KHDRBS2: variants seen among roughly 807,000 people sequenced by gnomAD.
KHDRBS2 encodes KH domain-containing, RNA-binding, signal transduction-associated protein 2.
In KHDRBS2, 26 loss-of-function variants were observed where a neutral mutation model predicts 44.3. That is an observed-to-expected ratio of 0.59 (90% CI 0.43 to 0.81). The LOEUF (loss-of-function observed/expected upper bound fraction) is 0.81, where lower values mean the gene tolerates loss of function less well. Ranked by LOEUF, KHDRBS2 falls within the 40% of genes least tolerant of loss-of-function variation. The pLI, the probability that KHDRBS2 is intolerant of heterozygous loss-of-function variation, is 0.00. For synonymous variants in KHDRBS2, 194 were observed against 151.1 expected (o/e 1.28, Z -2.08); for missense variants, 476 against 433.1 (o/e 1.10, Z -0.88).
chr6:61,672,342 G>A, the KHDRBS2 span, among the ~76,000 whole-genome samples: 1 of 151,788 alleles, frequency 6.6e-6, no homozygotes, highest in Non-Finnish European at 1.5e-5. Flanking sequence ...ATGATTTATA[G>A]TCCTTTGGGT....
intron 2 of KHDRBS2, among the ~76,000 whole-genome samples, chr6:62,104,735 T>C (rs1401915585): frequency 2.0e-5 from 3 of 151,660 alleles, no homozygotes; most frequent in Non-Finnish European, 4.4e-5. Context: ...AATTAAGAAG[T>C]TGAAAAAAAA....
At chr6:61,684,018 A>C (rs1269046715) in intron 8 of KHDRBS2, among the ~76,000 whole-genome samples, 1 of 151,982 alleles carries the variant, frequency 6.6e-6, no homozygotes, top group African/African-American at 2.4e-5. Flanking sequence ...CTTGGTAACA[A>C]TAGCAAAGAG....
At chr6:61,875,379 A>T (rs1255032221) in intron 6 of KHDRBS2, among the ~76,000 whole-genome samples, 1 of 152,074 alleles carries the variant, frequency 6.6e-6, no homozygotes, top group Non-Finnish European at 1.5e-5. Context: ...ATAAAAGTCC[A>T]GTTCCAGGGT....
At position 61,815,684 on chromosome 6, in the gene KHDRBS2, G is replaced by T. The variant is rs552374586; in HGVS notation, c.810+78951C>A. 2.2e-4 allele frequency among the ~76,000 whole-genome samples: 34 copies of T among 152,240 alleles called. No homozygotes were observed. The South Asian group carries it at 6.8e-3, about 31-fold the overall frequency. On this transcript the variant is annotated intron_variant, in intron 6 of 8. Transcript: ENST00000281156. ...TATCCCTGAAGTAATTATTGAGGAAGAAAATATTTTTGTCCTTGCTTTTAA... is the reference window on the plus strand; with the variant it reads ...TATCCCTGAAGTAATTATTGAGGAATAAAATATTTTTGTCCTTGCTTTTAA...
the KHDRBS2 span, among the ~76,000 whole-genome samples, chr6:61,548,907 A>T: frequency 7.9e-5 from 12 of 152,078 alleles, no homozygotes; most frequent in Admixed American, 2.0e-4. Flanking sequence ...TCTCTTTCCA[A>T]CTCCAACACC....
chr6:61,755,954 T>G (rs1399734666), intron 6 of KHDRBS2, among the ~76,000 whole-genome samples: 1 of 152,156 alleles, frequency 6.6e-6, no homozygotes, highest in Non-Finnish European at 1.5e-5. Flanking sequence ...CTGAGGTCTT[T>G]CACTTTTCAG....
At chr6:61,679,001 T>TA (rs1766098249), downstream of KHDRBS2, 1 of 151,894 alleles carries the variant, frequency 6.6e-6, no homozygotes, top group South Asian at 2.1e-4. Flanking sequence ...TCAACAGCAT[T>TA]TTGTAAAAGG....
At chr6:61,754,897 T>C (rs1778261353) in intron 6 of KHDRBS2, among the ~76,000 whole-genome samples, 2 of 152,212 alleles carry the variant, frequency 1.3e-5, no homozygotes, top group Non-Finnish European at 2.9e-5. Context: ...TCAGAGTTAG[T>C]GGATAGAACA....
intron 6 of KHDRBS2, among the ~76,000 whole-genome samples, chr6:61,767,291 GA>G (rs1451728429): frequency 6.6e-6 from 1 of 151,492 alleles, no homozygotes; most frequent in African/African-American, 2.4e-5. Flanking sequence ...CTCTTTTTTG[GA>G]TTCCATTTGC....
At position 61,800,090 on chromosome 6, in the gene KHDRBS2, A is replaced by T. The variant is rs113175404; in HGVS notation, c.811-67326T>A. Among the ~76,000 whole-genome samples the T allele has an allele frequency of 2.8e-3, 422 of 152,252 alleles. 2 individuals are homozygous for T. The highest frequency in any genetic ancestry group is 3.4e-3 in the Middle Eastern group (1 of 294). On this transcript the variant is annotated intron_variant, in intron 6 of 8. Transcript: ENST00000281156. ...CATTTTGTATACATGGTAAAATTTA[A>T]TTCTGAATTGTAATACCACCACTTG...
At chr6:62,055,607 A>G (rs1790098342) in intron 2 of KHDRBS2, among the ~76,000 whole-genome samples, 1 of 152,032 alleles carries the variant, frequency 6.6e-6, no homozygotes, top group Non-Finnish European at 1.5e-5. Context: ...GTACAAGAGT[A>G]TTCAGTCTCA....
chr6:62,202,959 CCTGT>C (rs1353678169), intron 1 of KHDRBS2, among the ~76,000 whole-genome samples: 2 of 152,088 alleles, frequency 1.3e-5, no homozygotes, highest in Non-Finnish European at 2.9e-5. Flanking sequence ...TTTATTATTT[CCTGT>C]CTGTCTTTCC....
chr6:61,936,342 T>A (rs1043300039), intron 4 of KHDRBS2, among the ~76,000 whole-genome samples: 1 of 152,024 alleles, frequency 6.6e-6, no homozygotes, highest in Non-Finnish European at 1.5e-5. Context: ...AATATAACAT[T>A]AATATTTTTA....
the KHDRBS2 span, among the ~76,000 whole-genome samples, chr6:61,633,272 G>A: frequency 4.7e-4 from 71 of 152,152 alleles, no homozygotes; most frequent in African/African-American, 1.7e-3. Flanking sequence ...CTCGAAATAT[G>A]AAATGTGGAG....
chr6:62,098,351 C>T (rs1208176341), intron 2 of KHDRBS2, among the ~76,000 whole-genome samples: 1 of 150,622 alleles, frequency 6.6e-6, no homozygotes, highest in East Asian at 2.0e-4. Flanking sequence ...ACTCTCTGAG[C>T]TTTTGTCTGG....
At chr6:61,616,150 T>C in the KHDRBS2 span, among the ~76,000 whole-genome samples, 1 of 152,192 alleles carries the variant, frequency 6.6e-6, no homozygotes, top group Admixed American at 6.5e-5. Context: ...TCTCCTGAAC[T>C]AGCAGCATCA....
chr6:61,776,724 G>C (rs1782087850), intron 6 of KHDRBS2, among the ~76,000 whole-genome samples: 1 of 152,180 alleles, frequency 6.6e-6, no homozygotes, highest in Non-Finnish European at 1.5e-5. Flanking sequence ...GTGGAAGTCA[G>C]TGTGGCGATT....
the KHDRBS2 span, among the ~76,000 whole-genome samples, chr6:61,591,358 C>T: frequency 2.6e-5 from 4 of 151,988 alleles, no homozygotes; most frequent in Non-Finnish European, 5.9e-5. Context: ...TATAGAATGT[C>T]ATTAGAAAAC....
At chr6:61,948,081 C>A (rs9360194) in intron 4 of KHDRBS2, among the ~76,000 whole-genome samples, 52,033 of 151,676 alleles carry the variant, frequency 0.34, 9,093 homozygotes, top group Middle Eastern at 0.41. Flanking sequence ...TATGAGAAAG[C>A]AAAGCCTGTG....
Sources: gnomAD v4.1 joint callset for allele counts (sites outside exome capture counted in the v4.1 genomes callset) on GRCh38, gnomAD v4.1.1 for gene constraint, MANE v1.5 for transcripts, NCBI Gene and HGNC (gene_info 2026-07-23, HGNC 2026-07-21) for gene names.